Variants in FMN1 observed in about 807,000 individuals in gnomAD.
The protein encoded by FMN1 is formin-1.
Under a neutral mutation model 132.4 loss-of-function variants are expected in FMN1, and 110 were observed. The observed-to-expected ratio is 0.83, with a 90% CI of 0.71 to 0.97. The LOEUF (loss-of-function observed/expected upper bound fraction) is 0.97. Ranked by LOEUF, FMN1 falls within the 50% of genes least tolerant of loss-of-function variation. The pLI is 0.00. For missense variants in FMN1, 1,792 were observed against 1,705.3 expected, an observed-to-expected ratio of 1.05 and a Z score of -0.90; for synonymous variants, 722 against 651.7, an observed-to-expected ratio of 1.11 and a Z score of -1.64.
At chr15:32,883,965 A>AT (rs2059834044) in intron 16 of FMN1, among the ~76,000 whole-genome samples, 1 of 152,132 alleles carries the variant, frequency 6.6e-6, no homozygotes, top group Admixed American at 6.5e-5. Flanking sequence ...TCCAGTTCAC[A>AT]TTTCAGGTAA....
At chr15:32,980,477 C>T (rs2032566979) in intron 7 of FMN1, among the ~76,000 whole-genome samples, 1 of 152,130 alleles carries the variant, frequency 6.6e-6, no homozygotes, top group South Asian at 2.1e-4. Context: ...ACTCAGTTTT[C>T]ACACTATATT....
At chr15:32,884,037 C>T (rs143232939) in intron 16 of FMN1, among the ~76,000 whole-genome samples, 23 of 152,160 alleles carry the variant, frequency 1.5e-4, no homozygotes, top group Admixed American at 3.3e-4. Context: ...GCTGCACGCG[C>T]ATGTGTGTGT....
intron 6 of FMN1, 72 bp downstream of exon 6, chr15:33,064,885 C>A: frequency 9.8e-7 from 1 of 1,024,444 alleles, no homozygotes; most frequent in Admixed American, 2.2e-5. Context: ...TTCTGAGAGT[C>A]AACTAAGCTA....
chr15:33,120,377 G>C (rs1416111319), intron 4 of FMN1, among the ~76,000 whole-genome samples: 5 of 152,076 alleles, frequency 3.3e-5, no homozygotes, highest in Admixed American at 2.0e-4. Context: ...AATGGATTAG[G>C]TTACCAGTTG....
intron 4 of FMN1, among the ~76,000 whole-genome samples, chr15:33,100,252 T>C (rs1595469846): frequency 1.4e-5 from 2 of 143,430 alleles, no homozygotes; most frequent in South Asian, 4.4e-4. Context: ...AGGTAGGAAA[T>C]ATAAAACTGC....
chr15:32,785,201 T>TAC (rs2056824476), intron 19 of FMN1, among the ~76,000 whole-genome samples: 1 of 35,624 alleles, frequency 2.8e-5, no homozygotes, highest in Non-Finnish European at 5.0e-5. Context: ...TGTGTGTGTG[T>TAC]ATATATATAT....
intron 4 of FMN1, chr15:33,150,675 C>T (rs1964406270): frequency 6.1e-6 from 6 of 985,358 alleles, no homozygotes; most frequent in Non-Finnish European, 7.2e-6. Context: ...AAGAGTCTTC[C>T]AACTGGAAAC....
At chr15:32,792,639 T>A (rs1226442457) in intron 19 of FMN1, among the ~76,000 whole-genome samples, 3 of 152,180 alleles carry the variant, frequency 2.0e-5, no homozygotes, top group Non-Finnish European at 4.4e-5. Flanking sequence ...CAGCTAAGCC[T>A]ACATTTCCTG....
At chr15:33,109,504 C>T (rs958549420) in intron 4 of FMN1, among the ~76,000 whole-genome samples, 3 of 152,170 alleles carry the variant, frequency 2.0e-5, no homozygotes, top group Non-Finnish European at 2.9e-5. Flanking sequence ...GAATACTACA[C>T]AGCCATAAAA....
chr15:33,066,554 C>T (rs1032812105), intron 5 of FMN1: 6 of 1,596,762 alleles, frequency 3.8e-6, no homozygotes, highest in South Asian at 3.4e-5. Context: ...AGAATTGGAC[C>T]GTTCAAACAC....
intron 4 of FMN1, among the ~76,000 whole-genome samples, chr15:33,118,223 G>A (rs2040001511): frequency 6.6e-6 from 1 of 152,154 alleles, no homozygotes; most frequent in Admixed American, 6.6e-5. Flanking sequence ...TTCTGTTTTA[G>A]TTGCTAGTTC....
At chr15:33,060,220 G>A (rs928336292) in intron 6 of FMN1, among the ~76,000 whole-genome samples, 2 of 152,306 alleles carry the variant, frequency 1.3e-5, no homozygotes, top group African/African-American at 2.4e-5. Flanking sequence ...AGAAAATTAA[G>A]ATAATTTGTC....
intron 17 of FMN1, among the ~76,000 whole-genome samples, chr15:32,830,189 G>T (rs1480459290): frequency 1.3e-5 from 2 of 152,068 alleles, no homozygotes; most frequent in Non-Finnish European, 2.9e-5. Context: ...TGAAGTTATT[G>T]GATATGAAAT....
At chr15:32,917,836 G>C (rs7178325) in intron 10 of FMN1, among the ~76,000 whole-genome samples, 62,952 of 152,032 alleles carry the variant, frequency 0.41, 13,369 homozygotes, top group African/African-American at 0.5. Flanking sequence ...AAAGAAACCA[G>C]GGTCTCTAAA....
intron 4 of FMN1, among the ~76,000 whole-genome samples, chr15:33,123,421 G>A (rs1227308894): frequency 6.6e-6 from 1 of 152,108 alleles, no homozygotes; most frequent in Non-Finnish European, 1.5e-5. Flanking sequence ...AATGTTTGTT[G>A]AATGAATACA....
At chr15:32,986,997 C>T (rs377044041) in intron 7 of FMN1, among the ~76,000 whole-genome samples, 1 of 152,064 alleles carries the variant, frequency 6.6e-6, no homozygotes, top group Non-Finnish European at 1.5e-5. Flanking sequence ...ATTTAACTAT[C>T]CTATTCAAAC....
chr15:33,090,337 G>T (rs947556767), intron 4 of FMN1, among the ~76,000 whole-genome samples: 1 of 152,142 alleles, frequency 6.6e-6, no homozygotes, highest in Non-Finnish European at 1.5e-5. Flanking sequence ...AGCTCAGAAA[G>T]GAACTGCGAG....
intron 4 of FMN1, among the ~76,000 whole-genome samples, chr15:33,112,926 C>CTGG (rs2039767747): frequency 1.3e-5 from 2 of 152,284 alleles, no homozygotes; most frequent in South Asian, 4.1e-4. Context: ...CTAGGCAGTC[C>CTGG]TGGTGTACTG....
chr15:33,098,450 A>G (rs537930171), intron 4 of FMN1, among the ~76,000 whole-genome samples: 2 of 152,262 alleles, frequency 1.3e-5, no homozygotes, highest in East Asian at 3.9e-4. Flanking sequence ...CTAGGCACAC[A>G]CTACAACATT....
Sources: gnomAD v4.1 joint callset for allele counts (sites outside exome capture counted in the v4.1 genomes callset) on GRCh38, gnomAD v4.1.1 for gene constraint, MANE v1.5 for transcripts, NCBI Gene and HGNC (gene_info 2026-07-23, HGNC 2026-07-21) for gene names.